Variants in CYP2C19 observed in about 807,000 individuals in gnomAD.
The protein encoded by CYP2C19 is cytochrome P450 family 2 subfamily C member 19.
In CYP2C19, 59 loss-of-function variants were observed where a neutral mutation model predicts 40.9. That is an observed-to-expected ratio of 1.44 (90% CI 1.17 to 1.79). CYP2C19 has a LOEUF of 1.79. CYP2C19 is among the 40% of genes most tolerant of loss of function. The probability of loss-of-function intolerance (pLI) is 0.00; values close to 1 mark genes in which losing one functional copy is unlikely to be tolerated. For synonymous variants in CYP2C19, 253 were observed against 208.7 expected (o/e 1.21, Z -1.83); for missense variants, 754 against 596.9 (o/e 1.26, Z -2.74).
At chr10:94,850,411 C>G (rs145752615) in intron 8 of CYP2C19, among the ~76,000 whole-genome samples, 4 of 152,154 alleles carry the variant, frequency 2.6e-5, no homozygotes, top group East Asian at 3.9e-4. Flanking sequence ...CAGAACTTCA[C>G]TGAGTGTCTT....
chr10:94,829,771 C>A lies in CYP2C19; in HGVS notation c.961+9134C>A, dbSNP rs1362658096. Among the ~76,000 whole-genome samples, 3 of 151,472 alleles carry A rather than the reference C, an allele frequency of 2.0e-5. No individual in the cohort carries two copies. The East Asian group carries it at 5.9e-4, about 30-fold the overall frequency. On this transcript the variant is annotated intron_variant, in intron 6 of 8. Coordinates refer to ENST00000371321, the MANE Select transcript of CYP2C19 (RefSeq NM_000769.4). Reference sequence around the variant, plus strand: ...TCCAGTTTTTCTGTTCTGTTTTTTCCCCATCTTTGTGGTTTTATCTACTTT... The same window carrying A: ...TCCAGTTTTTCTGTTCTGTTTTTTCACCATCTTTGTGGTTTTATCTACTTT...
At chr10:94,848,022 T>C (rs1849598837) in intron 7 of CYP2C19, among the ~76,000 whole-genome samples, 1 of 152,218 alleles carries the variant, frequency 6.6e-6, no homozygotes, top group Non-Finnish European at 1.5e-5. Context: ...TCCCATTCTG[T>C]AGGTTGCCTA....
intron 5 of CYP2C19, among the ~76,000 whole-genome samples, chr10:94,810,784 CTTT>C (rs1848911199): frequency 6.6e-6 from 1 of 151,982 alleles, no homozygotes. Context: ...TTCTTTTCTT[CTTT>C]ATTAGTCTGG....
chr10:94,846,318 A>T (rs1478135049), intron 7 of CYP2C19, among the ~76,000 whole-genome samples: 1 of 152,098 alleles, frequency 6.6e-6, no homozygotes, highest in Non-Finnish European at 1.5e-5. Context: ...TATTCCAGTT[A>T]TGACTTTGGC....
rs1849695643 is a variant in CYP2C19, at chr10:94,853,992, C to CAAACATGAACAAAATTTTG, written c.*1078_*1079insAAACATGAACAAAATTTTG. On this transcript the variant is annotated 3_prime_UTR_variant, in exon 9 of 9. Transcript: ENST00000371321. ...CTCATGTGTTTTGTCATGCTTCTCTCTTCAAACATGAACAAAATTTCTTTT... is the reference window on the plus strand; with the variant it reads ...CTCATGTGTTTTGTCATGCTTCTCTCAAACATGAACAAAATTTTGTTCAAACATGAACAAAATTTCTTTT... 6.6e-6 allele frequency among the ~76,000 whole-genome samples: 1 copy of CAAACATGAACAAAATTTTG among 151,920 alleles called. No individual in the cohort carries two copies. Among genetic ancestry groups the CAAACATGAACAAAATTTTG allele is most frequent in the African/African-American group, 2.4e-5 (1 of 41,386 alleles).
In CYP2C19 at chr10:94,842,880, G is replaced by C. The variant is rs1391303698; in HGVS notation, c.1005G>C (p.Arg335=). Residue 335 remains arginine (R), a synonymous_variant, in exon 7 of 9, where the codon CGG becomes CGC. Coordinates refer to ENST00000371321, the MANE Select transcript of CYP2C19 (RefSeq NM_000769.4). ...EEIERVIGRN[R]SPCMQDRGHM... is the part of the protein sequence containing the mutation. ...TTGAACGTGTCATTGGCAGAAACCG[G>C]AGCCCCTGCATGCAGGACAGGGGCC... 6 of 1,614,002 alleles carry C rather than the reference G, an allele frequency of 3.7e-6. No individual in the cohort carries two copies. Among genetic ancestry groups the C allele is most frequent in the Non-Finnish European group, 5.1e-6 (6 of 1,180,034 alleles).
chr10:94,780,320 C>T (rs1361149390), intron 3 of CYP2C19, among the ~76,000 whole-genome samples, 179 bp from the exon 4 acceptor site: 5 of 152,032 alleles, frequency 3.3e-5, no homozygotes, highest in Admixed American at 6.5e-5. Context: ...ATTGTTAATT[C>T]GAGATTAATG....
At chr10:94,811,267 C>A (rs1048222139) in intron 5 of CYP2C19, among the ~76,000 whole-genome samples, 1 of 152,052 alleles carries the variant, frequency 6.6e-6, no homozygotes, top group Non-Finnish European at 1.5e-5. Flanking sequence ...AATTTCTGTT[C>A]TTTTGTATTT....
At chr10:94,836,826 A>G (rs1054393142) in intron 6 of CYP2C19, among the ~76,000 whole-genome samples, 1 of 152,244 alleles carries the variant, frequency 6.6e-6, no homozygotes, top group Non-Finnish European at 1.5e-5. Flanking sequence ...TGATGGCACA[A>G]GGTTTCTGAA....
Position 94,836,278 on chromosome 10 carries a change from C to T in CYP2C19, c.962-6559C>T, listed in dbSNP as rs962016784. Among the ~76,000 whole-genome samples the T allele has an allele frequency of 3.3e-5, 5 of 152,378 alleles. No individual in the cohort carries two copies. The East Asian group carries it at 5.8e-4, about 18-fold the overall frequency. On this transcript the variant is annotated intron_variant, in intron 6 of 8. Coordinates refer to ENST00000371321, the MANE Select transcript of CYP2C19 (RefSeq NM_000769.4). ...GATACTAAGCCTGCTACTGCTGCCACTACCTGTAAACCATGAGGCCAACCC... is the reference window on the plus strand; with the variant it reads ...GATACTAAGCCTGCTACTGCTGCCATTACCTGTAAACCATGAGGCCAACCC...
chr10:94,826,760 G>A (rs1420689558), intron 6 of CYP2C19, among the ~76,000 whole-genome samples: 1 of 152,136 alleles, frequency 6.6e-6, no homozygotes, highest in Admixed American at 6.5e-5. Flanking sequence ...AATGCTTCCA[G>A]TTTTTGCCCA....
intron 1 of CYP2C19, among the ~76,000 whole-genome samples, chr10:94,771,281 G>C (rs776503590): frequency 6.6e-6 from 1 of 152,078 alleles, no homozygotes; most frequent in Non-Finnish European, 1.5e-5. Context: ...GGGGAGATTA[G>C]AGGAGGCTTA....
At chr10:94,847,376 C>T (rs1849587716) in intron 7 of CYP2C19, among the ~76,000 whole-genome samples, 5 of 151,638 alleles carry the variant, frequency 3.3e-5, no homozygotes, top group Admixed American at 1.3e-4. Context: ...TGGTTTCCAG[C>T]TTCATCCATG....
intron 6 of CYP2C19, among the ~76,000 whole-genome samples, chr10:94,835,319 G>A (rs895742085): frequency 3.9e-5 from 6 of 152,152 alleles, no homozygotes; most frequent in African/African-American, 1.4e-4. Flanking sequence ...CTAAGTGAAA[G>A]GTTTGGTGAA....
intron 3 of CYP2C19, chr10:94,775,933 C>T: frequency 3.5e-6 from 1 of 285,406 alleles, no homozygotes; most frequent in East Asian, 8.9e-5. Flanking sequence ...ATGGCCCTAT[C>T]ACACCCCTAG....
In CYP2C19 at chr10:94,852,994, G is replaced by C; in HGVS notation, c.*80G>C. The C allele has an allele frequency of 7.0e-7, 1 of 1,436,100 alleles. No individual in the cohort carries two copies. The highest frequency in any genetic ancestry group is 1.2e-5 in the South Asian group (1 of 82,604). The allele number at this position is 1,436,100 out of a possible 1,614,324, so 89.0% of individuals were successfully genotyped here. On this transcript the variant is annotated 3_prime_UTR_variant, in exon 9 of 9. Transcript: ENST00000371321. Reference sequence around the variant, plus strand: ...TGGTCCAAATTTCACTATCTGTGATGCTTCTTCTGACCCGTCATCTCACAT... The same window carrying C: ...TGGTCCAAATTTCACTATCTGTGATCCTTCTTCTGACCCGTCATCTCACAT...
Position 94,775,023 on chromosome 10 carries a change from A to T in CYP2C19, c.169-35A>T, listed in dbSNP as rs756116208. ...GGCTTAGTAAATGGACAAAACAGTG[A>T]CTTCATTTGCTGTTAACTGTATCTC... On this transcript the variant is annotated intron_variant, in intron 1 of 8. Coordinates refer to ENST00000371321, the MANE Select transcript of CYP2C19 (RefSeq NM_000769.4). The T allele has an allele frequency of 8.7e-6, 14 of 1,605,614 alleles. No homozygotes were observed. The South Asian group carries it at 1.5e-4, about 18-fold the overall frequency.
chr10:94,838,705 G>A (rs956957460), intron 6 of CYP2C19, among the ~76,000 whole-genome samples: 1 of 152,084 alleles, frequency 6.6e-6, no homozygotes, highest in African/African-American at 2.4e-5. Flanking sequence ...GGGATAGGGA[G>A]GTAGACTGAG....
intron 5 of CYP2C19, among the ~76,000 whole-genome samples, chr10:94,806,601 CTTA>C (rs929849248): frequency 2.4e-4 from 35 of 148,544 alleles, no homozygotes; most frequent in Admixed American, 6.0e-4. Flanking sequence ...ATTAGATTTA[CTTA>C]TTATTTATTT....
Sources: gnomAD v4.1 joint callset for allele counts (sites outside exome capture counted in the v4.1 genomes callset) on GRCh38, gnomAD v4.1.1 for gene constraint, MANE v1.5 for transcripts, NCBI Gene and HGNC (gene_info 2026-07-23, HGNC 2026-07-21) for gene names.